Variants in HYAL4 observed in about 807,000 individuals in gnomAD.
HYAL4 encodes hyaluronidase-4.
A neutral mutation model predicts 35.2 loss-of-function variants in HYAL4; 37 were observed. That is an observed-to-expected ratio of 1.05 (90% CI 0.81 to 1.38). The LOEUF (loss-of-function observed/expected upper bound fraction) is 1.38, where lower values mean the gene tolerates loss of function less well. Ranked by LOEUF, HYAL4 falls within the 40% of genes most tolerant of loss-of-function variation. The pLI is 0.00. For synonymous variants in HYAL4, 198 were observed against 203.2 expected, an observed-to-expected ratio of 0.97 and a Z score of 0.22; for missense variants, 572 against 572.4, an observed-to-expected ratio of 1.00 and a Z score of 0.01.
rs1359187448 is a variant in HYAL4, at chr7:123,845,437, G to A, written c.-370G>A. 6.6e-6 allele frequency: 1 copy of A among 151,886 alleles called. No individual in the cohort carries two copies. The highest frequency in any genetic ancestry group is 1.9e-4 in the East Asian group (1 of 5,158). 9.4% of individuals were successfully genotyped at this position (151,886 alleles called of 1,614,324 possible). On this transcript the variant is annotated 5_prime_UTR_variant, in exon 1 of 5. An upstream open reading frame in the 5' UTR loses its in-frame stop. Transcript: ENST00000223026. ...TTGGCCAGAATGGTTTTGCATTCCTGACCTCAAGTGATCTGCCTGCCTCAG... is the reference window on the plus strand; with the variant it reads ...TTGGCCAGAATGGTTTTGCATTCCTAACCTCAAGTGATCTGCCTGCCTCAG...
upstream of HYAL4, among the ~76,000 whole-genome samples, chr7:123,843,009 ATATTGT>A: frequency 6.6e-6 from 1 of 152,074 alleles, no homozygotes. Flanking sequence ...TTTAAGGTTA[ATATTGT>A]TATGAGTGAA....
upstream of HYAL4, among the ~76,000 whole-genome samples, chr7:123,825,773 A>G (rs971321518): frequency 6.6e-6 from 1 of 152,180 alleles, no homozygotes; most frequent in Non-Finnish European, 1.5e-5. Context: ...CTTGTCAGAT[A>G]TAAATGTTTG....
the HYAL4 span, among the ~76,000 whole-genome samples, chr7:123,777,687 TA>T: frequency 4.6e-5 from 7 of 152,162 alleles, no homozygotes; most frequent in Non-Finnish European, 7.4e-5. Context: ...AATTTAAAAA[TA>T]TTTTTTTTAT....
the HYAL4 span, among the ~76,000 whole-genome samples, chr7:123,805,311 T>A: frequency 6.6e-6 from 1 of 152,214 alleles, no homozygotes; most frequent in African/African-American, 2.4e-5. Flanking sequence ...CTTTTGAATA[T>A]CTGCATAAGC....
At chr7:123,839,004 A>G (rs933332726) in intron 1 of HYAL4, among the ~76,000 whole-genome samples, 1 of 151,844 alleles carries the variant, frequency 6.6e-6, no homozygotes, top group Non-Finnish European at 1.5e-5. Flanking sequence ...AATTATTATT[A>G]TACTTTAAGT....
At chr7:123,875,849 C>G (rs903062575) in intron 4 of HYAL4, among the ~76,000 whole-genome samples, 18 of 152,026 alleles carry the variant, frequency 1.2e-4, no homozygotes, top group Non-Finnish European at 5.9e-5. Flanking sequence ...TACTGGCACC[C>G]TTGACACTTT....
chr7:123,857,643 G>C (rs1806472253), intron 2 of HYAL4, among the ~76,000 whole-genome samples: 1 of 125,944 alleles, frequency 7.9e-6, no homozygotes, highest in Non-Finnish European at 1.8e-5. Flanking sequence ...CTTGCCAGCT[G>C]CCTTTCTTTG....
chr7:123,792,502 G>A, the HYAL4 span, among the ~76,000 whole-genome samples: 1 of 152,184 alleles, frequency 6.6e-6, no homozygotes, highest in African/African-American at 2.4e-5. Context: ...TTATCTGCCA[G>A]GGCATACAAA....
At chr7:123,779,016 TTTTG>T in the HYAL4 span, among the ~76,000 whole-genome samples, 34 of 152,302 alleles carry the variant, frequency 2.2e-4, no homozygotes, top group African/African-American at 7.5e-4. Context: ...TCACTAGCTT[TTTTG>T]TTTGTTTGTT....
chr7:123,783,230 GAA>G, the HYAL4 span, among the ~76,000 whole-genome samples: 12 of 152,172 alleles, frequency 7.9e-5, no homozygotes, highest in Non-Finnish European at 1.6e-4. Context: ...ATGCAAAGAT[GAA>G]TCAGACATGA....
chr7:123,876,930 A>G lies in HYAL4; in HGVS notation c.1221A>G (p.Ile407Met). 1 of 1,613,888 alleles carries G rather than the reference A, an allele frequency of 6.2e-7. No homozygotes were observed. The highest frequency in any genetic ancestry group is 8.5e-7 in the Non-Finnish European group (1 of 1,179,780). The part of the protein sequence containing the change: ...YLHLNPASYH[I>M]EASEDGEFTV... ...ACTTGAACCCTGCAAGTTACCACAT[A>G]GAGGCCTCTGAGGACGGGGAGTTTA... The change falls in exon 5 of 5, where the codon ATA becomes ATG. Residue 407 changes from isoleucine to methionine, a missense_variant. By Grantham distance (10) the Ile-to-Met change is conservative (BLOSUM62 1). Coordinates refer to ENST00000223026, the MANE Select transcript of HYAL4 (RefSeq NM_012269.3).
chr7:123,855,133 C>T (rs1006966259), intron 2 of HYAL4, among the ~76,000 whole-genome samples: 5 of 151,956 alleles, frequency 3.3e-5, no homozygotes, highest in African/African-American at 4.8e-5. Context: ...TACAGCACAC[C>T]AATGGGACTT....
chr7:123,857,575 C>T (rs1197576578), intron 2 of HYAL4, among the ~76,000 whole-genome samples: 1 of 152,118 alleles, frequency 6.6e-6, no homozygotes, highest in African/African-American at 2.4e-5. Context: ...AGAAATCACC[C>T]TCATTCTGCA....
chr7:123,874,772 CA>C lies in HYAL4; in HGVS notation c.967del (p.Ser323AlafsTer3), dbSNP rs2116968866. ...TGTCTTCAATCTAGCAAGATCTAGTCAGCACCATAGGAGAAAGTGCTGCCTT... is the reference window on the plus strand; with the variant it reads ...TGTCTTCAATCTAGCAAGATCTAGTCGCACCATAGGAGAAAGTGCTGCCTT... The part of the protein sequence containing the change: ...LFFLSKQDLV[S>X]TIGESAALGA... On this transcript the variant is annotated frameshift_variant, in exon 4 of 5. Transcript: ENST00000223026. LOFTEE classifies it high-confidence loss of function. The C allele has an allele frequency of 6.3e-7, 1 of 1,598,802 alleles. No individual in the cohort carries two copies. Among genetic ancestry groups the C allele is most frequent in the East Asian group, 2.2e-5 (1 of 44,814 alleles).
the HYAL4 span, among the ~76,000 whole-genome samples, chr7:123,798,889 A>C: frequency 6.6e-6 from 1 of 152,188 alleles, no homozygotes; most frequent in African/African-American, 2.4e-5. Context: ...AGTATGGTCT[A>C]GGGGAGGGAA....
chr7:123,766,784 G>C, the HYAL4 span, among the ~76,000 whole-genome samples: 1 of 152,080 alleles, frequency 6.6e-6, no homozygotes, highest in South Asian at 2.1e-4. Flanking sequence ...GTTTTCTGAT[G>C]ATAGTTATAA....
At chr7:123,833,381 T>C (rs1386062361) in intron 1 of HYAL4, among the ~76,000 whole-genome samples, 1 of 133,890 alleles carries the variant, frequency 7.5e-6, no homozygotes, top group East Asian at 2.1e-4. Context: ...ATATCTTCTT[T>C]TGATAGTTTT....
chr7:123,809,535 A>G, the HYAL4 span, among the ~76,000 whole-genome samples: 7 of 151,420 alleles, frequency 4.6e-5, no homozygotes, highest in Admixed American at 3.9e-4. Context: ...AGCTGGGACT[A>G]TAGGCATGCA....
At chr7:123,863,976 A>T (rs1163758293) in intron 2 of HYAL4, among the ~76,000 whole-genome samples, 1 of 152,108 alleles carries the variant, frequency 6.6e-6, no homozygotes, top group Non-Finnish European at 1.5e-5. Flanking sequence ...CCCTCAAAAG[A>T]ACATCCCTCC....
Sources: allele counts gnomAD v4.1 joint callset (sites outside exome capture counted in the v4.1 genomes callset), GRCh38; gene constraint gnomAD v4.1.1; transcripts MANE v1.5; gene names NCBI Gene and HGNC (gene_info 2026-07-23, HGNC 2026-07-21).